MYH9: variants seen among roughly 807,000 people sequenced by gnomAD.
MYH9 encodes myosin-9.
Under a neutral mutation model 241.9 loss-of-function variants are expected in MYH9, and 29 were observed. That is an observed-to-expected ratio of 0.12 (90% CI 0.09 to 0.16). MYH9 has a LOEUF of 0.16. Among genes scored for constraint, MYH9 ranks in the 10% least tolerant of loss-of-function variants. The probability of loss-of-function intolerance (pLI) is 1.00; values close to 1 mark genes in which losing one functional copy is unlikely to be tolerated. For synonymous variants in MYH9, 1,047 were observed against 1,062.6 expected (o/e 0.99, Z 0.29); for missense variants, 1,803 against 2,595.5 (o/e 0.69, Z 6.63).
At chr22:36,332,315 A>C (rs2017433493) in intron 3 of MYH9, among the ~76,000 whole-genome samples, 2 of 152,242 alleles carry the variant, frequency 1.3e-5, no homozygotes, top group Non-Finnish European at 2.9e-5. Flanking sequence ...ATGATGCTTC[A>C]TATTAGCAGA....
At chr22:36,373,809 CCT>C (rs1368801114) in intron 1 of MYH9, among the ~76,000 whole-genome samples, 12 of 152,130 alleles carry the variant, frequency 7.9e-5, no homozygotes, top group African/African-American at 2.2e-4. Context: ...AAAAATGGTC[CCT>C]CTCCTCAGTG....
chr22:36,341,606 G>A, intron 2 of MYH9, 80 bp from the exon 3 acceptor site: 1 of 1,538,826 alleles, frequency 6.5e-7, no homozygotes, highest in Non-Finnish European at 8.9e-7. Context: ...CAAAATATCT[G>A]CGGCTTCAAA....
At chr22:36,289,827 T>G (rs2016655991) in intron 31 of MYH9, among the ~76,000 whole-genome samples, 1 of 152,178 alleles carries the variant, frequency 6.6e-6, no homozygotes, top group Non-Finnish European at 1.5e-5. Context: ...TCCCATGGGT[T>G]GCTGACCATT....
intron 3 of MYH9, among the ~76,000 whole-genome samples, chr22:36,328,442 A>T (rs1269036939): frequency 6.6e-6 from 1 of 152,178 alleles, no homozygotes; most frequent in Non-Finnish European, 1.5e-5. Flanking sequence ...TAATAGCCTC[A>T]CCGTCCTTGA....
chr22:36,378,459 C>T (rs1054592889), intron 1 of MYH9, among the ~76,000 whole-genome samples: 9 of 152,238 alleles, frequency 5.9e-5, no homozygotes, highest in African/African-American at 2.2e-4. Flanking sequence ...TTCCTTCTCC[C>T]GTGCATTTTG....
chr22:36,335,868 T>C (rs1304114193), intron 3 of MYH9, among the ~76,000 whole-genome samples: 1 of 152,218 alleles, frequency 6.6e-6, no homozygotes, highest in Non-Finnish European at 1.5e-5. Flanking sequence ...TGTGCCTGCC[T>C]CTTTACGTAT....
At chr22:36,314,427 G>A in intron 12 of MYH9, 109 bp from the exon 13 acceptor site, 1 of 1,332,744 alleles carries the variant, frequency 7.5e-7, no homozygotes, top group East Asian at 2.4e-5. Flanking sequence ...GCCTCCTTGG[G>A]CACCTCCATG....
chr22:36,350,531 C>A (rs2017748645), intron 1 of MYH9, among the ~76,000 whole-genome samples: 1 of 152,142 alleles, frequency 6.6e-6, no homozygotes, highest in Non-Finnish European at 1.5e-5. Flanking sequence ...GAGCAAAACT[C>A]CGTCTCAAAA....
At chr22:36,336,863 G>A (rs1233840309) in intron 3 of MYH9, among the ~76,000 whole-genome samples, 4 of 152,154 alleles carry the variant, frequency 2.6e-5, no homozygotes, top group Non-Finnish European at 4.4e-5. Context: ...AACATGCCTC[G>A]TCTCTCCACC....
Position 36,281,370 on chromosome 22 carries a change from C to T in MYH9, c.*1298G>A, listed in dbSNP as rs927618213. The T allele has an allele frequency of 9.0e-6, 2 of 222,510 alleles. No homozygotes were observed. The highest frequency in any genetic ancestry group is 4.5e-5 in the African/African-American group (2 of 44,658). The allele number at this position is 222,510 out of a possible 1,614,324, so 13.8% of individuals were successfully genotyped here. A position where few individuals can be genotyped will look rare whatever the true frequency, so the allele number is the denominator to read the frequency against. On this transcript the variant is annotated 3_prime_UTR_variant, in exon 41 of 41. Coordinates refer to ENST00000216181, the MANE Select transcript of MYH9 (RefSeq NM_002473.6). Reference sequence around the variant, plus strand: ...GTGACAGCTGCAACACATGCTAAGGCACTTTTATTATATAAAAAAGGGGGT... The same window carrying T: ...GTGACAGCTGCAACACATGCTAAGGTACTTTTATTATATAAAAAAGGGGGT...
rs1012424739 is a variant in MYH9 at position 36,295,809 on chromosome 22, A to C, written c.3273-92T>G. The C allele has an allele frequency of 9.5e-5, 112 of 1,181,928 alleles. No homozygotes were observed. Among genetic ancestry groups the C allele is most frequent in the Non-Finnish European group, 1.3e-4 (104 of 819,444 alleles). 73.2% of individuals were successfully genotyped at this position (1,181,928 alleles called of 1,614,324 possible). A position where few individuals can be genotyped will look rare whatever the true frequency, so the allele number is the denominator to read the frequency against. On this transcript the variant is annotated intron_variant, in intron 25 of 40. Coordinates refer to ENST00000216181, the MANE Select transcript of MYH9 (RefSeq NM_002473.6). This position sits in a 1 kb window ranked among gnomAD's most constrained non-coding sequence, Gnocchi z 4.1. Reference sequence around the variant, plus strand: ...CAGGCCTGAGAGAGCTGCAGCAGCCAAAGCTGCCTCCTGTGGTCACAATCA... The same window carrying C: ...CAGGCCTGAGAGAGCTGCAGCAGCCCAAGCTGCCTCCTGTGGTCACAATCA...
At chr22:36,289,576 G>A (rs1189086883) in intron 31 of MYH9, among the ~76,000 whole-genome samples, 10 of 152,176 alleles carry the variant, frequency 6.6e-5, no homozygotes, top group East Asian at 3.9e-4. Flanking sequence ...TTTATGGCAC[G>A]CTGCCCCTTC....
At chr22:36,326,079 A>G (rs981995223) in intron 5 of MYH9, among the ~76,000 whole-genome samples, 1 of 152,008 alleles carries the variant, frequency 6.6e-6, no homozygotes, top group Non-Finnish European at 1.5e-5. Flanking sequence ...GAGGAAAAAA[A>G]TGGAGGTGAG....
chr22:36,349,548 G>A (rs749406791), intron 1 of MYH9, among the ~76,000 whole-genome samples: 19 of 152,160 alleles, frequency 1.2e-4, no homozygotes, highest in Admixed American at 5.9e-4. Context: ...TGGCCAACCT[G>A]GTGAAAACCC....
intron 1 of MYH9, among the ~76,000 whole-genome samples, chr22:36,383,230 CA>C (rs940211359): frequency 1.3e-5 from 2 of 151,904 alleles, no homozygotes; most frequent in African/African-American, 4.8e-5. Context: ...AAAACGAAAT[CA>C]AAAAACAAAA....
chr22:36,348,633 G>T (rs1339333216), intron 2 of MYH9, among the ~76,000 whole-genome samples: 1 of 152,126 alleles, frequency 6.6e-6, no homozygotes, highest in Non-Finnish European at 1.5e-5. Flanking sequence ...CCATCCCTCA[G>T]ACAGGGCCAT....
intron 3 of MYH9, among the ~76,000 whole-genome samples, chr22:36,336,154 A>G (rs1417046915): frequency 6.6e-6 from 1 of 152,250 alleles, no homozygotes; most frequent in Admixed American, 6.5e-5. Flanking sequence ...GAACTCATTA[A>G]AATATTAATA....
intron 14 of MYH9, among the ~76,000 whole-genome samples, chr22:36,309,743 A>G (rs973656178): frequency 1.3e-5 from 2 of 152,238 alleles, no homozygotes; most frequent in African/African-American, 4.8e-5. Flanking sequence ...CTGGAAGGAC[A>G]ACAAAATGTT....
In MYH9 at chr22:36,288,998, C is replaced by T. The variant is rs1008800342; in HGVS notation, c.4558-59G>A. On this transcript the variant is annotated intron_variant, in intron 32 of 40. Transcript: ENST00000216181. This position sits in a 1 kb window ranked among gnomAD's most constrained non-coding sequence, Gnocchi z 4.8. ...GGACTGGCAGGTACCTGGGTCTGCG[C>T]GACCCGGAGTCTGTGCACACACCGA... 37 of 1,612,032 alleles carry T rather than the reference C, an allele frequency of 2.3e-5. No homozygotes were observed. Among genetic ancestry groups the T allele is most frequent in the African/African-American group, 5.3e-5 (4 of 75,020 alleles).
Sources: gnomAD v4.1 joint callset for allele counts (sites outside exome capture counted in the v4.1 genomes callset) on GRCh38, gnomAD v4.1.1 for gene constraint, Gnocchi (gnomAD v3.1) non-coding constraint, MANE v1.5 for transcripts, NCBI Gene and HGNC (gene_info 2026-07-23, HGNC 2026-07-21) for gene names.